Variants in LPIN1 observed in about 807,000 individuals in gnomAD.
LPIN1 encodes the protein lipin 1.
A neutral mutation model predicts 107.5 loss-of-function variants in LPIN1; 71 were observed. The observed-to-expected ratio is 0.66, with a 90% CI of 0.55 to 0.80. LPIN1 has a LOEUF of 0.80. Among genes scored for constraint, LPIN1 ranks in the 30% least tolerant of loss-of-function variants. The pLI is 0.00. For synonymous variants in LPIN1, 445 were observed against 452.6 expected, an observed-to-expected ratio of 0.98 and a Z score of 0.21; for missense variants, 1,043 against 1,160.6, an observed-to-expected ratio of 0.90 and a Z score of 1.47.
rs751086904 is a variant in LPIN1 at position 11,782,190 on chromosome 2, C to T, written c.958-11C>T. On this transcript the variant is annotated splice_polypyrimidine_tract_variant and intron_variant, in intron 7 of 20. Transcript: ENST00000674199. ...GTCTCTCTCTCTGTCCCTCTCTCCT[C>T]TTTGCTCTAGTCTTCTTCTCCACAC... 3.1e-6 allele frequency: 5 copies of T among 1,609,542 alleles called. No homozygotes were observed. Among genetic ancestry groups the T allele is most frequent in the Non-Finnish European group, 4.3e-6 (5 of 1,175,980 alleles).
chr2:11,800,487 T>C (rs529578296), intron 14 of LPIN1, among the ~76,000 whole-genome samples: 2 of 152,214 alleles, frequency 1.3e-5, no homozygotes, highest in Admixed American at 6.5e-5. Flanking sequence ...GGCTCACTGC[T>C]ACCTTCGCCT....
chr2:11,771,854 C>T lies in LPIN1; in HGVS notation c.596+175C>T, dbSNP rs1008209439. 7.9e-5 allele frequency among the ~76,000 whole-genome samples: 12 copies of T among 152,148 alleles called. No individual in the cohort carries two copies. Among genetic ancestry groups the T allele is most frequent in the African/African-American group, 2.9e-4 (12 of 41,426 alleles). Reference sequence around the variant, plus strand: ...TTGTGGAAGACAGTGTTTCCATGGACCAGGGGTGGATGGTTTTAGGAGGAC... The same window carrying T: ...TTGTGGAAGACAGTGTTTCCATGGATCAGGGGTGGATGGTTTTAGGAGGAC... On this transcript the variant is annotated intron_variant, in intron 4 of 20. Transcript: ENST00000674199. The surrounding 1 kb of genome is among the most constrained non-coding windows in gnomAD (Gnocchi z 4.8).
intron 1 of LPIN1, among the ~76,000 whole-genome samples, chr2:11,739,314 C>T (rs950580674): frequency 5.9e-5 from 9 of 152,340 alleles, no homozygotes; most frequent in East Asian, 1.9e-4. Context: ...ACCTTGACTG[C>T]GACCTCACGA....
At chr2:11,770,495 C>T (rs80303610) in intron 3 of LPIN1, among the ~76,000 whole-genome samples, 3,925 of 152,272 alleles carry the variant, frequency 0.026, 176 homozygotes, top group African/African-American at 0.088. Flanking sequence ...CTAGTTGCTC[C>T]AGTCCAGCAG....
chr2:11,790,634 A>G (rs999509294), intron 12 of LPIN1, among the ~76,000 whole-genome samples: 3 of 152,224 alleles, frequency 2.0e-5, no homozygotes, highest in African/African-American at 4.8e-5. Flanking sequence ...AGGGTCTGAC[A>G]TGGCTACTGA....
chr2:11,785,610 T>C (rs1047538451), intron 10 of LPIN1, among the ~76,000 whole-genome samples: 3 of 152,160 alleles, frequency 2.0e-5, no homozygotes, highest in African/African-American at 4.8e-5. Context: ...AGTCAGCAGT[T>C]ATCAGCTGGG....
At chr2:11,706,211 T>C (rs1265518164) in intron 1 of LPIN1, among the ~76,000 whole-genome samples, 2 of 152,230 alleles carry the variant, frequency 1.3e-5, no homozygotes, top group East Asian at 1.9e-4. Flanking sequence ...TGGACTAATA[T>C]GGTGACATAA....
intron 17 of LPIN1, among the ~76,000 whole-genome samples, 165 bp from the exon 18 acceptor site, chr2:11,814,923 C>A (rs1460752858): frequency 6.6e-6 from 1 of 152,126 alleles, no homozygotes; most frequent in Non-Finnish European, 1.5e-5. Context: ...TGTATTTAAG[C>A]CTATTTCTCA....
At chr2:11,818,172 C>T (rs1009794366) in intron 18 of LPIN1, 19 of 152,180 alleles carry the variant, frequency 1.2e-4, no homozygotes, top group Admixed American at 3.9e-4. Flanking sequence ...TGCTCGTTTT[C>T]GTAGCTTCTA....
chr2:11,763,964 A>T (rs370903104), intron 1 of LPIN1, among the ~76,000 whole-genome samples: 6,345 of 134,050 alleles, frequency 0.047, 163 homozygotes, highest in Non-Finnish European at 0.057. Flanking sequence ...CATATATTTT[A>T]GTGTGTGTGT....
chr2:11,690,663 G>C (rs139748866), intron 1 of LPIN1, among the ~76,000 whole-genome samples: 1 of 152,258 alleles, frequency 6.6e-6, no homozygotes, highest in East Asian at 1.9e-4. Context: ...TTGACTTGCT[G>C]TGCCTGCTGG....
At chr2:11,781,054 A>G (rs2148654279) in intron 7 of LPIN1, among the ~76,000 whole-genome samples, 1 of 152,364 alleles carries the variant, frequency 6.6e-6, no homozygotes, top group East Asian at 1.9e-4. Flanking sequence ...TTTAAAAAAT[A>G]TTGTAAGGTC....
chr2:11,762,260 CCT>C (rs1669958682), intron 1 of LPIN1, among the ~76,000 whole-genome samples: 1 of 151,990 alleles, frequency 6.6e-6, no homozygotes, highest in African/African-American at 2.4e-5. Flanking sequence ...GCTTCCATGC[CCT>C]CTCTAGCACC....
At chr2:11,759,368 G>C (rs199988315) in intron 1 of LPIN1, among the ~76,000 whole-genome samples, 1 of 151,744 alleles carries the variant, frequency 6.6e-6, no homozygotes, top group Non-Finnish European at 1.5e-5. Context: ...CTTGAGATTA[G>C]GGAGTGGTGA....
exon 1 of LPIN1, chr2:11,677,613 G>C: frequency 6.8e-7 from 1 of 1,463,354 alleles, no homozygotes; most frequent in Non-Finnish European, 9.3e-7. Flanking sequence ...CCTGATGCTG[G>C]GTGAGGAGGC....
upstream of LPIN1, chr2:11,724,322 A>G (rs1233101094): frequency 2.0e-6 from 2 of 985,174 alleles, no homozygotes; most frequent in South Asian, 4.7e-5. Flanking sequence ...GGCCTTTCCC[A>G]GGAGAGCCCA....
chr2:11,680,633 C>T (rs920469399), intron 1 of LPIN1, among the ~76,000 whole-genome samples: 5 of 152,248 alleles, frequency 3.3e-5, no homozygotes, highest in African/African-American at 9.6e-5. Flanking sequence ...ACAGAGCTGA[C>T]GGGGGTGGAG....
exon 2 of LPIN1, chr2:11,741,353 C>A: frequency 6.5e-7 from 1 of 1,546,468 alleles, no homozygotes; most frequent in Non-Finnish European, 8.7e-7. Context: ...CCACAGGTAA[C>A]TCTGAAGCGT....
intron 19 of LPIN1, among the ~76,000 whole-genome samples, chr2:11,820,108 G>A (rs904803279): frequency 2.0e-5 from 3 of 152,170 alleles, no homozygotes; most frequent in Admixed American, 6.5e-5. Context: ...TGAAAGTTAC[G>A]AGAGATTTTC....
Sources: gnomAD v4.1 joint callset for allele counts (sites outside exome capture counted in the v4.1 genomes callset) on GRCh38, gnomAD v4.1.1 for gene constraint, Gnocchi (gnomAD v3.1) non-coding constraint, MANE v1.5 for transcripts, NCBI Gene and HGNC (gene_info 2026-07-23, HGNC 2026-07-21) for gene names.